Variants in AKAP10 observed in about 807,000 individuals in gnomAD.
The protein encoded by AKAP10 is A-kinase anchoring protein 10.
In AKAP10, 24 loss-of-function variants were observed where a neutral mutation model predicts 80.8. That is an observed-to-expected ratio of 0.30 (90% CI 0.22 to 0.42). The LOEUF (loss-of-function observed/expected upper bound fraction) is 0.42. Among genes scored for constraint, AKAP10 ranks in the 10% least tolerant of loss-of-function variants. The pLI is 1.00. For synonymous variants in AKAP10, 291 were observed against 277.7 expected (o/e 1.05, Z -0.48); for missense variants, 661 against 794.9 (o/e 0.83, Z 2.03).
chr17:19,945,890 T>C (rs1385707371), intron 5 of AKAP10, among the ~76,000 whole-genome samples: 2 of 151,966 alleles, frequency 1.3e-5, no homozygotes, highest in African/African-American at 4.8e-5. Flanking sequence ...GTAATATTTA[T>C]TGAATGAATA....
chr17:19,920,855 CAAAAAAAAAAAAAAA>C (rs61148312), intron 11 of AKAP10, among the ~76,000 whole-genome samples: 2 of 35,324 alleles, frequency 5.7e-5, no homozygotes, highest in East Asian at 2.1e-3. Context: ...GACTCTATCT[CAAAAAAAAAAAAAAA>C]AAAAAAAAAA....
intron 12 of AKAP10, among the ~76,000 whole-genome samples, chr17:19,919,436 C>T (rs941702448): frequency 2.0e-5 from 3 of 152,094 alleles, no homozygotes; most frequent in African/African-American, 7.2e-5. Flanking sequence ...GTAATCCCAG[C>T]ACTTTGGGAA....
chr17:19,948,211 T>G (rs558003263), intron 4 of AKAP10, among the ~76,000 whole-genome samples: 1 of 152,250 alleles, frequency 6.6e-6, no homozygotes, highest in Admixed American at 6.5e-5. Flanking sequence ...GACAAATGCA[T>G]CCAAGGACTT....
At chr17:19,911,085 C>T (rs1408267439) in intron 12 of AKAP10, among the ~76,000 whole-genome samples, 2 of 152,120 alleles carry the variant, frequency 1.3e-5, no homozygotes, top group East Asian at 1.9e-4. Context: ...AAACCTGGAT[C>T]CTTTTCCCTC....
chr17:19,977,419 C>G (rs1470859524), intron 1 of AKAP10, among the ~76,000 whole-genome samples, 173 bp downstream of exon 1: 6 of 152,264 alleles, frequency 3.9e-5, no homozygotes, highest in African/African-American at 1.4e-4. Flanking sequence ...AGGCCACCTT[C>G]TCCCTCCCAG....
intron 14 of AKAP10, among the ~76,000 whole-genome samples, chr17:19,907,089 C>G (rs1247463144): frequency 1.3e-5 from 2 of 151,870 alleles, no homozygotes; most frequent in Non-Finnish European, 2.9e-5. Flanking sequence ...GCAATCTCAG[C>G]TCACCGCAAC....
intron 1 of AKAP10, among the ~76,000 whole-genome samples, chr17:19,976,527 C>CA (rs1555582599): frequency 4.0e-5 from 6 of 150,430 alleles, no homozygotes; most frequent in Non-Finnish European, 3.0e-5. Flanking sequence ...CTGTCTGGTA[C>CA]TTTTTTTTTG....
At chr17:19,930,744 C>T (rs1321000807) in intron 10 of AKAP10, among the ~76,000 whole-genome samples, 1 of 152,140 alleles carries the variant, frequency 6.6e-6, no homozygotes, top group African/African-American at 2.4e-5. Context: ...TGGAGTCTCA[C>T]TCTGTCACCA....
At chr17:19,976,482 C>A (rs1471938834) in intron 1 of AKAP10, among the ~76,000 whole-genome samples, 1 of 151,208 alleles carries the variant, frequency 6.6e-6, no homozygotes, top group African/African-American at 2.4e-5. Flanking sequence ...AGCGAAACTC[C>A]GTCTCAAAAC....
In AKAP10 at chr17:19,940,999, T is replaced by C; in HGVS notation, c.1073A>G (p.Glu358Gly). 1 of 1,602,556 alleles carries C rather than the reference T, an allele frequency of 6.2e-7. No individual in the cohort carries two copies. The highest frequency in any genetic ancestry group is 8.5e-7 in the Non-Finnish European group (1 of 1,177,240). Reference sequence around the variant, plus strand: ...ACAGAAATGGTGACTTCGCAGAAACTCACTAAAGTGCCTGCACATGGACAA... The same window carrying C: ...ACAGAAATGGTGACTTCGCAGAAACCCACTAAAGTGCCTGCACATGGACAA... ...FSAMEQEHFS[E>G]FLRSHHFCKY... Residue 358 changes from glutamate (E) to glycine (G), a missense_variant, in exon 7 of 15, where the codon GAG becomes GGG. Glu to Gly is a moderately conservative substitution (Grantham distance 98). Coordinates refer to ENST00000225737, the MANE Select transcript of AKAP10 (RefSeq NM_007202.4).
chr17:19,948,894 C>T (rs137909224), intron 4 of AKAP10, among the ~76,000 whole-genome samples: 1 of 152,174 alleles, frequency 6.6e-6, no homozygotes, highest in Non-Finnish European at 1.5e-5. Context: ...CCAGAGCCGA[C>T]AGAATGCTGC....
At position 19,963,211 on chromosome 17, in the gene AKAP10, CTTTTT is replaced by C. The variant is rs35363359; in HGVS notation, c.137-194_137-190del. ...GGTGGAAAATAGGAAAGAAAACACT[CTTTTT>C]TTTTTTTTTTTTTTTCCCAGACAGA... On this transcript the variant is annotated intron_variant, in intron 2 of 14. Transcript: ENST00000225737. Among the ~76,000 whole-genome samples, 353 of 119,576 alleles carry C rather than the reference CTTTTT, an allele frequency of 3.0e-3. 1 individual carries two copies. The highest frequency in any genetic ancestry group is 0.011 in the African/African-American group (335 of 30,338). 78.4% of individuals were successfully genotyped at this position (119,576 alleles called of 152,430 possible).
In AKAP10 at chr17:19,924,409, C is replaced by T. The variant is rs1355675469; in HGVS notation, c.1750G>A (p.Gly584Arg). 5.7e-6 allele frequency: 9 copies of T among 1,575,460 alleles called. No homozygotes were observed. Among genetic ancestry groups the T allele is most frequent in the Admixed American group, 1.8e-5 (1 of 55,064 alleles). Reference protein sequence around the residue: ...PESLYQRTYAGKMTFGRVSDL... With the variant: ...PESLYQRTYARKMTFGRVSDL... ...ATTCTAGGCATGAGCTAAGCTTACC[C>T]GGCATATGTCCGTTGATATAAAGAT... The change falls in exon 11 of 15, where the codon GGG (glycine) becomes AGG (arginine). Residue 584 changes from glycine to arginine, a missense_variant and splice_region_variant. Gly to Arg is a moderately radical substitution (Grantham distance 125, BLOSUM62 -2). Coordinates refer to ENST00000225737, the MANE Select transcript of AKAP10 (RefSeq NM_007202.4).
At chr17:19,933,706 G>A (rs1226896551) in intron 9 of AKAP10, among the ~76,000 whole-genome samples, 2 of 152,020 alleles carry the variant, frequency 1.3e-5, no homozygotes, top group Non-Finnish European at 2.9e-5. Flanking sequence ...GCTATTTAAT[G>A]ATTTGACTTC....
At position 19,968,461 on chromosome 17, in the gene AKAP10, AC is replaced by A; in HGVS notation, c.89-1del. On this transcript the variant is annotated splice_acceptor_variant, in intron 1 of 14. Coordinates refer to ENST00000225737, the MANE Select transcript of AKAP10 (RefSeq NM_007202.4). LOFTEE classifies it high-confidence loss of function. ...GGTCTTCTCTTGTTCTTTGCCTTTC[AC>A]TAGAACATAAAAAGATAATTATGAC... 6.2e-7 allele frequency: 1 copy of A among 1,613,492 alleles called. No individual in the cohort carries two copies. The highest frequency in any genetic ancestry group is 8.5e-7 in the Non-Finnish European group (1 of 1,179,566).
chr17:19,966,594 C>G (rs1400601784), intron 2 of AKAP10, among the ~76,000 whole-genome samples: 1 of 152,152 alleles, frequency 6.6e-6, no homozygotes, highest in East Asian at 1.9e-4. Flanking sequence ...CTGTATTATC[C>G]TAAGGATAAG....
intron 4 of AKAP10, among the ~76,000 whole-genome samples, chr17:19,954,720 C>G (rs2043254469): frequency 6.6e-6 from 1 of 150,670 alleles, no homozygotes; most frequent in Non-Finnish European, 1.5e-5. Flanking sequence ...GTCTCGATCT[C>G]CTGACCTCGT....
chr17:19,949,358 G>A (rs1309784689), intron 4 of AKAP10, among the ~76,000 whole-genome samples: 3 of 150,972 alleles, frequency 2.0e-5, no homozygotes, highest in Admixed American at 6.6e-5. Context: ...CTGAACAACA[G>A]GAAAAAAAAA....
chr17:19,958,515 G>A lies in AKAP10; in HGVS notation c.376C>T (p.Leu126Phe). ...QETKSSLSKT[L>F]EQVLHDTIVL... ...ATAGTGTCGTGCAAGACTTGTTCAA[G>A]GGTCTTAGAAAGGCTTGATTTGGTC... Residue 126 changes from leucine (L) to phenylalanine (F), a missense_variant, in exon 4 of 15, where the codon CTT (leucine) becomes TTT (phenylalanine). Physicochemically the swap from Leu to Phe is conservative, Grantham distance 22 (BLOSUM62 0). Coordinates refer to ENST00000225737, the MANE Select transcript of AKAP10 (RefSeq NM_007202.4). The A allele has an allele frequency of 6.2e-7, 1 of 1,611,112 alleles. No homozygotes were observed. The highest frequency in any genetic ancestry group is 8.5e-7 in the Non-Finnish European group (1 of 1,180,014).
Sources: allele counts gnomAD v4.1 joint callset (sites outside exome capture counted in the v4.1 genomes callset), GRCh38; gene constraint gnomAD v4.1.1; transcripts MANE v1.5; gene names NCBI Gene and HGNC (gene_info 2026-07-23, HGNC 2026-07-21).